Variants in CCDC144A observed in about 807,000 individuals in gnomAD.
CCDC144A encodes the protein coiled-coil domain containing 144A, also known as coiled-coil domain-containing protein 144A.
In CCDC144A, 41 loss-of-function variants were observed where a neutral mutation model predicts 143.8. The ratio of observed to expected loss-of-function variants is 0.29; its 90% CI spans 0.22 to 0.37. The LOEUF (loss-of-function observed/expected upper bound fraction) is 0.37. CCDC144A is among the 10% of genes least tolerant of loss of function. The pLI is 1.00. For synonymous variants in CCDC144A, 242 were observed against 517.9 expected, an observed-to-expected ratio of 0.47 and a Z score of 7.23; for missense variants, 637 against 1,488.8, an observed-to-expected ratio of 0.43 and a Z score of 9.41.
At chr17:16,769,685 G>C in intron 15 of CCDC144A, among the ~76,000 whole-genome samples, 1 of 152,048 alleles carries the variant, frequency 6.6e-6, no homozygotes, top group East Asian at 1.9e-4. Flanking sequence ...TGAGTGTCTT[G>C]ACTGGTACTA....
chr17:16,679,583 G>A, the CCDC144A span, among the ~76,000 whole-genome samples: 1 of 151,834 alleles, frequency 6.6e-6, no homozygotes, highest in Non-Finnish European at 1.5e-5. Flanking sequence ...CCCACACCAA[G>A]CCAGGATGAG....
the CCDC144A span, among the ~76,000 whole-genome samples, chr17:16,678,811 A>G: frequency 1.7e-4 from 24 of 143,608 alleles, no homozygotes; most frequent in Non-Finnish European, 3.2e-4. Flanking sequence ...CTGGAGTGCA[A>G]TGGCGCAATC....
At position 16,716,812 on chromosome 17, in the gene CCDC144A, G is replaced by GTT. The variant is rs1281244236; in HGVS notation, c.1716-3368_1716-3367dup. Among the ~76,000 whole-genome samples, 378 of 131,176 alleles carry GTT rather than the reference G, an allele frequency of 2.9e-3. 4 individuals are homozygous for GTT. The highest frequency in any genetic ancestry group is 8.6e-3 in the African/African-American group (300 of 34,972). 86.1% of individuals were successfully genotyped at this position (131,176 alleles called of 152,430 possible). On this transcript the variant is annotated intron_variant, in intron 6 of 16. Transcript: ENST00000399273. ...TGCCTGTGTGCAGTGGATTCCAGCT[G>GTT]TTTTTTTTTTTTTTTTTTTGAGACG...
intron 12 of CCDC144A, chr17:16,746,019 A>G (rs537696483): frequency 1.2e-6 from 2 of 1,611,842 alleles, no homozygotes; most frequent in East Asian, 2.2e-5. Context: ...AGATCTCTCC[A>G]CATCCCTGTG....
chr17:16,669,864 G>A, the CCDC144A span, among the ~76,000 whole-genome samples: 2 of 152,088 alleles, frequency 1.3e-5, no homozygotes, highest in Non-Finnish European at 2.9e-5. Context: ...CCTAACATAA[G>A]TCAAGGTAGA....
the CCDC144A span, among the ~76,000 whole-genome samples, chr17:16,680,482 A>T: frequency 6.6e-6 from 1 of 151,890 alleles, no homozygotes; most frequent in Admixed American, 6.6e-5. Context: ...CTGTTAAAAA[A>T]AATTTAAGTG....
the CCDC144A span, among the ~76,000 whole-genome samples, chr17:16,679,744 C>G: frequency 6.6e-6 from 1 of 151,990 alleles, no homozygotes; most frequent in Non-Finnish European, 1.5e-5. Context: ...ATCTATGTCC[C>G]TATAGAATTA....
the CCDC144A span, among the ~76,000 whole-genome samples, chr17:16,683,036 A>G: frequency 3.0e-4 from 45 of 151,232 alleles, no homozygotes; most frequent in African/African-American, 1.1e-3. Flanking sequence ...TACTCACAGA[A>G]GCAGAGAGTA....
chr17:16,718,120 T>A (rs568994518), intron 6 of CCDC144A, among the ~76,000 whole-genome samples: 1 of 152,246 alleles, frequency 6.6e-6, no homozygotes, highest in African/African-American at 2.4e-5. Context: ...TAGAGAATAC[T>A]CAACTATATC....
At chr17:16,769,424 A>G (rs1204260535) in intron 15 of CCDC144A, among the ~76,000 whole-genome samples, 1 of 152,280 alleles carries the variant, frequency 6.6e-6, no homozygotes, top group Admixed American at 6.5e-5. Context: ...GTACAAATTA[A>G]TGATGAGAAG....
intron 12 of CCDC144A, among the ~76,000 whole-genome samples, chr17:16,756,911 C>T (rs1366046911): frequency 6.6e-5 from 10 of 152,214 alleles, no homozygotes; most frequent in Admixed American, 1.3e-4. Flanking sequence ...CTGTAAGTTC[C>T]TCAGTGGCTT....
At chr17:16,718,989 G>A (rs1912934040) in intron 6 of CCDC144A, among the ~76,000 whole-genome samples, 2 of 142,066 alleles carry the variant, frequency 1.4e-5, no homozygotes, top group African/African-American at 2.8e-5. Flanking sequence ...CCGCCACCGT[G>A]CCCAGCTAAT....
intron 1 of CCDC144A, among the ~76,000 whole-genome samples, chr17:16,692,218 G>C (rs995832345): frequency 6.6e-6 from 1 of 151,266 alleles, no homozygotes; most frequent in Non-Finnish European, 1.5e-5. Flanking sequence ...AAGATCTGCC[G>C]ATTCAGAGTT....
At chr17:16,680,169 C>T in the CCDC144A span, among the ~76,000 whole-genome samples, 1 of 151,832 alleles carries the variant, frequency 6.6e-6, no homozygotes, top group Non-Finnish European at 1.5e-5. Context: ...TGGCTCATGC[C>T]TATAATCCCA....
chr17:16,712,061 C>T (rs1597547756), intron 6 of CCDC144A: 8 of 491,526 alleles, frequency 1.6e-5, no homozygotes, highest in South Asian at 1.1e-4. Context: ...ACCTGGGAGG[C>T]GGGGGTTGTG....
At chr17:16,751,062 G>C (rs898257381) in intron 12 of CCDC144A, among the ~76,000 whole-genome samples, 3 of 152,156 alleles carry the variant, frequency 2.0e-5, no homozygotes, top group African/African-American at 7.2e-5. Context: ...TTTATAGCTG[G>C]GGAGCTAGTG....
At chr17:16,700,246 A>T (rs550117096) in intron 2 of CCDC144A, among the ~76,000 whole-genome samples, 1 of 152,350 alleles carries the variant, frequency 6.6e-6, no homozygotes, top group African/African-American at 2.4e-5. Context: ...AGCTAGCAGG[A>T]TATGCTTAAT....
chr17:16,753,443 T>G (rs1273813094), intron 12 of CCDC144A, among the ~76,000 whole-genome samples: 141 of 132,508 alleles, frequency 1.1e-3, no homozygotes, highest in African/African-American at 1.3e-3. Context: ...TTTTTTTTTT[T>G]TTTTTTTTTT....
At chr17:16,718,833 T>G (rs1279490778) in intron 6 of CCDC144A, among the ~76,000 whole-genome samples, 5 of 105,932 alleles carry the variant, frequency 4.7e-5, no homozygotes, top group South Asian at 3.3e-4. Flanking sequence ...TTATAAAGTG[T>G]TTTTTTTTTT....
Sources: allele counts gnomAD v4.1 joint callset (sites outside exome capture counted in the v4.1 genomes callset), GRCh38; gene constraint gnomAD v4.1.1; transcripts MANE v1.5; gene names NCBI Gene and HGNC (gene_info 2026-07-23, HGNC 2026-07-21).